The following KIAA0319L variants were observed in gnomAD, a reference collection of about 807,000 sequenced individuals.
KIAA0319L encodes the protein KIAA0319 like, also known as dyslexia-associated protein KIAA0319-like protein.
In KIAA0319L, 55 loss-of-function variants were observed where a neutral mutation model predicts 120.1. That is an observed-to-expected ratio of 0.46 (90% CI 0.37 to 0.57). KIAA0319L has a LOEUF of 0.57. Ranked by LOEUF, KIAA0319L falls within the 20% of genes least tolerant of loss-of-function variation. The pLI is 0.00. For synonymous variants in KIAA0319L, 398 were observed against 471.9 expected, an observed-to-expected ratio of 0.84 and a Z score of 2.03; for missense variants, 1,049 against 1,255.3, an observed-to-expected ratio of 0.84 and a Z score of 2.48.
intron 2 of KIAA0319L, among the ~76,000 whole-genome samples, chr1:35,521,217 A>G (rs1002259116): frequency 2.6e-5 from 4 of 152,130 alleles, no homozygotes; most frequent in African/African-American, 9.7e-5. Flanking sequence ...GCACACCTGT[A>G]ATCCCAGCAA....
In KIAA0319L at chr1:35,453,789, T is replaced by C; in HGVS notation, c.1781-100A>G. 2 of 1,208,958 alleles carry C rather than the reference T, an allele frequency of 1.7e-6. No individual in the cohort carries two copies. The highest frequency in any genetic ancestry group is 2.3e-6 in the Non-Finnish European group (2 of 871,036). 74.9% of individuals were successfully genotyped at this position (1,208,958 alleles called of 1,614,324 possible). Reference sequence around the variant, plus strand: ...TTCTGGAAGCCATGGACTCTGCCTCTCAGGCCACAGAACTGTCAGATACTG... The same window carrying C: ...TTCTGGAAGCCATGGACTCTGCCTCCCAGGCCACAGAACTGTCAGATACTG... On this transcript the variant is annotated intron_variant, in intron 11 of 20. Coordinates refer to ENST00000325722, the MANE Select transcript of KIAA0319L (RefSeq NM_024874.5). The surrounding 1 kb of genome is among the most constrained non-coding windows in gnomAD (Gnocchi z 4.1).
chr1:35,450,466 C>T lies in KIAA0319L; in HGVS notation c.2106G>A (p.Val702=). 2 of 1,614,014 alleles carry T rather than the reference C, an allele frequency of 1.2e-6. No homozygotes were observed. Among genetic ancestry groups the T allele is most frequent in the Non-Finnish European group, 1.7e-6 (2 of 1,179,870 alleles). Residue 702 remains valine (V), a synonymous_variant, in exon 14 of 21, where the codon GTG becomes GTA. Coordinates refer to ENST00000325722, the MANE Select transcript of KIAA0319L (RefSeq NM_024874.5). ...PPIAKITGNV[V]ITLPTSTAEL... The stretch of plus-strand genomic sequence containing the variant: ...CTGCTGTGCTCGTGGGTAGGGTAAT[C>T]ACCACATTCCCAGTTATCTTGGCTA...
intron 18 of KIAA0319L, 22 bp downstream of exon 18, chr1:35,442,884 C>T: frequency 6.2e-7 from 1 of 1,614,158 alleles, no homozygotes. Flanking sequence ...CAGGCTGGCA[C>T]TGTGCCACAT....
At chr1:35,477,615 C>T (rs369921471) in intron 4 of KIAA0319L, among the ~76,000 whole-genome samples, 21 of 145,068 alleles carry the variant, frequency 1.4e-4, no homozygotes, top group East Asian at 8.3e-4. Context: ...TGCAGTGAGC[C>T]GAGATTGCGC....
intron 7 of KIAA0319L, among the ~76,000 whole-genome samples, chr1:35,463,754 G>C (rs1285285774): frequency 6.6e-6 from 1 of 152,176 alleles, no homozygotes; most frequent in Non-Finnish European, 1.5e-5. Context: ...GTCTGGCTGT[G>C]TCTCCACTCA....
At chr1:35,523,014 T>TAAAAAA (rs58518920) in intron 2 of KIAA0319L, among the ~76,000 whole-genome samples, 1 of 62,510 alleles carries the variant, frequency 1.6e-5, no homozygotes, top group African/African-American at 5.1e-5. Context: ...AAACTCCACA[T>TAAAAAA]AAAAAAAAAA....
At chr1:35,450,268 A>G in intron 14 of KIAA0319L, 90 bp downstream of exon 14, 1 of 1,361,164 alleles carries the variant, frequency 7.3e-7, no homozygotes, top group Non-Finnish European at 1.0e-6. Flanking sequence ...GGTTTGATAT[A>G]AGGGACCACT....
intron 3 of KIAA0319L, among the ~76,000 whole-genome samples, chr1:35,479,947 C>CAAAAA (rs71062878): frequency 1.4e-3 from 45 of 32,286 alleles, no homozygotes; most frequent in African/African-American, 3.2e-3. Flanking sequence ...TATGATGAGC[C>CAAAAA]AAAAAAAAAA....
chr1:35,526,549 A>C (rs1282117077), intron 2 of KIAA0319L, among the ~76,000 whole-genome samples: 1 of 151,276 alleles, frequency 6.6e-6, no homozygotes, highest in Non-Finnish European at 1.5e-5. Context: ...GGGCTTAAAC[A>C]ATCCTCCTGC....
intron 3 of KIAA0319L, among the ~76,000 whole-genome samples, chr1:35,497,392 T>A (rs1254951134): frequency 6.6e-6 from 1 of 152,206 alleles, no homozygotes; most frequent in Non-Finnish European, 1.5e-5. Flanking sequence ...ACGTATGTAA[T>A]GTATGATTCA....
Position 35,521,210 on chromosome 1 carries a change from C to T in KIAA0319L, c.143-14075G>A, listed in dbSNP as rs557044579. 2.2e-4 allele frequency among the ~76,000 whole-genome samples: 33 copies of T among 152,134 alleles called. No individual in the cohort carries two copies. In the South Asian group the frequency reaches 3.9e-3, roughly 18 times the overall value. ...ACAAAAAGTTAGCTGGGCAGGTGCA[C>T]ACCTGTAATCCCAGCAACTGGGGGA... On this transcript the variant is annotated intron_variant, in intron 2 of 20. Coordinates refer to ENST00000325722, the MANE Select transcript of KIAA0319L (RefSeq NM_024874.5).
chr1:35,446,038 G>T (rs766227946), intron 16 of KIAA0319L, among the ~76,000 whole-genome samples: 1 of 152,068 alleles, frequency 6.6e-6, no homozygotes, highest in Non-Finnish European at 1.5e-5. Flanking sequence ...ATCCCTAATC[G>T]TGCTATCTCT....
chr1:35,555,637 T>C (rs1647871886), intron 1 of KIAA0319L, among the ~76,000 whole-genome samples: 1 of 152,222 alleles, frequency 6.6e-6, no homozygotes, highest in Non-Finnish European at 1.5e-5. Context: ...CAAGAGATTA[T>C]GAAATGGAGC....
chr1:35,495,055 A>G (rs1003895507), intron 3 of KIAA0319L, among the ~76,000 whole-genome samples: 5 of 152,104 alleles, frequency 3.3e-5, no homozygotes, highest in African/African-American at 1.2e-4. Flanking sequence ...ATAACCCTAG[A>G]CCTAAATGTA....
Position 35,442,355 on chromosome 1 carries a change from T to C in KIAA0319L, c.2780-19A>G, listed in dbSNP as rs780795165. The stretch of plus-strand genomic sequence containing the variant: ...CTCCACTCTGCCAAGAAAATCAAAA[T>C]GGTGAGGGCTGTGGAGGGAGAGGCT... On this transcript the variant is annotated intron_variant, in intron 18 of 20. Coordinates refer to ENST00000325722, the MANE Select transcript of KIAA0319L (RefSeq NM_024874.5). 2.5e-6 allele frequency: 4 copies of C among 1,588,080 alleles called. No individual in the cohort carries two copies. The highest frequency in any genetic ancestry group is 3.5e-6 in the Non-Finnish European group (4 of 1,156,482).
chr1:35,475,961 G>A (rs1380339878), intron 4 of KIAA0319L, among the ~76,000 whole-genome samples: 1 of 152,174 alleles, frequency 6.6e-6, no homozygotes, highest in African/African-American at 2.4e-5. Context: ...TTCAACTGCG[G>A]TGTTTGCCTT....
At chr1:35,511,993 G>C (rs1645465034) in intron 2 of KIAA0319L, among the ~76,000 whole-genome samples, 1 of 152,194 alleles carries the variant, frequency 6.6e-6, no homozygotes, top group Non-Finnish European at 1.5e-5. Context: ...ATCTAAGCCA[G>C]GCGTGGTGGC....
rs1013837243 is a variant in KIAA0319L at position 35,507,901 on chromosome 1, T to C, written c.143-766A>G. On this transcript the variant is annotated intron_variant, in intron 2 of 20. Coordinates refer to ENST00000325722, the MANE Select transcript of KIAA0319L (RefSeq NM_024874.5). ...ACCTAAATAATATGATCCAAAATTC[T>C]GGCTAATGTTGCTGATGGATAAACT... is the stretch of plus-strand genomic sequence containing the variant. 7.2e-5 allele frequency among the ~76,000 whole-genome samples: 11 copies of C among 152,236 alleles called. No individual in the cohort carries two copies. In the East Asian group the frequency reaches 1.2e-3, roughly 16 times the overall value.
intron 19 of KIAA0319L, among the ~76,000 whole-genome samples, chr1:35,441,947 G>A (rs1332401989): frequency 1.3e-5 from 2 of 152,116 alleles, no homozygotes; most frequent in African/African-American, 2.4e-5. Context: ...GATGTGATCC[G>A]GGTCTGTACC....
Sources: gnomAD v4.1 joint callset for allele counts (sites outside exome capture counted in the v4.1 genomes callset) on GRCh38, gnomAD v4.1.1 for gene constraint, Gnocchi (gnomAD v3.1) non-coding constraint, MANE v1.5 for transcripts, NCBI Gene and HGNC (gene_info 2026-07-23, HGNC 2026-07-21) for gene names.